Variants in DIP2C observed in about 807,000 individuals in gnomAD.
DIP2C encodes disco-interacting protein 2 homolog C.
A neutral mutation model predicts 192.4 loss-of-function variants in DIP2C; 33 were observed. That is an observed-to-expected ratio of 0.17 (90% confidence interval 0.13 to 0.23). The LOEUF is 0.23. Ranked by LOEUF, DIP2C falls within the 10% of genes least tolerant of loss-of-function variation. The probability of loss-of-function intolerance (pLI) is 1.00; values close to 1 mark genes in which losing one functional copy is unlikely to be tolerated. For missense variants in DIP2C, 1,537 were observed against 2,110.1 expected, an observed-to-expected ratio of 0.73 and a Z score of 5.32; for synonymous variants, 979 against 864.1, an observed-to-expected ratio of 1.13 and a Z score of -2.33.
intron 1 of DIP2C, among the ~76,000 whole-genome samples, chr10:554,630 C>T (rs1848747850): frequency 1.3e-5 from 2 of 152,252 alleles, no homozygotes; most frequent in Non-Finnish European, 2.9e-5. Context: ...CCCCACTGCC[C>T]TGTTCCCAGA....
At chr10:399,738 T>G (rs1368559389) in intron 9 of DIP2C, among the ~76,000 whole-genome samples, 1 of 152,154 alleles carries the variant, frequency 6.6e-6, no homozygotes, top group African/African-American at 2.4e-5. Flanking sequence ...AATGAGAGAA[T>G]GCACATAGAG....
At chr10:612,093 C>T (rs976646230) in intron 1 of DIP2C, among the ~76,000 whole-genome samples, 2 of 152,078 alleles carry the variant, frequency 1.3e-5, no homozygotes, top group Admixed American at 6.6e-5. Context: ...GTCAGGAGTT[C>T]GAGACAGCCT....
At chr10:466,181 CA>C (rs1970184000) in intron 3 of DIP2C, among the ~76,000 whole-genome samples, 1 of 151,574 alleles carries the variant, frequency 6.6e-6, no homozygotes, top group African/African-American at 2.4e-5. Flanking sequence ...GTACTGGTAC[CA>C]AAACAGAGAT....
In DIP2C at chr10:651,370, C is replaced by A. The variant is rs1377390688; in HGVS notation, c.85+38124G>T. 13 of 701,584 alleles carry A rather than the reference C, an allele frequency of 1.9e-5. No individual in the cohort carries two copies. Among genetic ancestry groups the A allele is most frequent in the Non-Finnish European group, 3.1e-5 (12 of 384,630 alleles). The allele number at this position is 701,584 out of a possible 1,614,324, so 43.5% of individuals were successfully genotyped here. Reference sequence around the variant, plus strand: ...GCATCCCCAGCACTGTGCTCAGGTCCCAGGGAGGCCCCAGCAAACTGTGGA... The same window carrying A: ...GCATCCCCAGCACTGTGCTCAGGTCACAGGGAGGCCCCAGCAAACTGTGGA... On this transcript the variant is annotated intron_variant, in intron 1 of 36. Transcript: ENST00000280886. This position sits in a 1 kb window ranked among gnomAD's most constrained non-coding sequence, Gnocchi z 4.1.
intron 3 of DIP2C, among the ~76,000 whole-genome samples, chr10:454,191 C>T (rs1969089250): frequency 6.6e-6 from 1 of 152,180 alleles, no homozygotes; most frequent in African/African-American, 2.4e-5. Context: ...TCTAAGAACC[C>T]AGAAGCACCC....
intron 32 of DIP2C, among the ~76,000 whole-genome samples, chr10:298,054 A>G (rs893172999): frequency 1.3e-5 from 2 of 152,216 alleles, no homozygotes; most frequent in Non-Finnish European, 2.9e-5. Context: ...ATTAGTTAGA[A>G]TTAGTAAGCC....
At chr10:428,264 CAT>C (rs1267730950) in intron 4 of DIP2C, among the ~76,000 whole-genome samples, 1 of 152,058 alleles carries the variant, frequency 6.6e-6, no homozygotes, top group African/African-American at 2.4e-5. Context: ...CTTTCTTTTT[CAT>C]AGAGCTAACC....
chr10:297,665 G>A (rs542019798), intron 32 of DIP2C, among the ~76,000 whole-genome samples: 1 of 152,332 alleles, frequency 6.6e-6, no homozygotes, highest in African/African-American at 2.4e-5. Flanking sequence ...CATACTGGAG[G>A]CTGGGAAGGG....
At chr10:397,402 C>A (rs1218604779) in intron 10 of DIP2C, among the ~76,000 whole-genome samples, 1 of 152,084 alleles carries the variant, frequency 6.6e-6, no homozygotes, top group African/African-American at 2.4e-5. Flanking sequence ...TGGTGGCACA[C>A]GCCTGTAATC....
At chr10:313,793 AATGAGTT>A (rs1956661171) in intron 31 of DIP2C, among the ~76,000 whole-genome samples, 2 of 152,234 alleles carry the variant, frequency 1.3e-5, no homozygotes, top group African/African-American at 4.8e-5. Context: ...TTATTGAACA[AATGAGTT>A]ATATTTAAAT....
rs1317706734 is a variant in DIP2C at position 651,408 on chromosome 10, G to A, written c.85+38086C>T. 11 of 698,506 alleles carry A rather than the reference G, an allele frequency of 1.6e-5. No homozygotes were observed. The highest frequency in any genetic ancestry group is 6.0e-5 in the South Asian group (4 of 66,708). The allele number at this position is 698,506 out of a possible 1,614,324, so 43.3% of individuals were successfully genotyped here. On this transcript the variant is annotated intron_variant, in intron 1 of 36. Coordinates refer to ENST00000280886, the MANE Select transcript of DIP2C (RefSeq NM_014974.3). This position sits in a 1 kb window ranked among gnomAD's most constrained non-coding sequence, Gnocchi z 4.1. ...AGCAAACTGTGGAACAACCAAACTCGTGACTGAATGAACAAGTATGTTAAG... is the reference window on the plus strand; with the variant it reads ...AGCAAACTGTGGAACAACCAAACTCATGACTGAATGAACAAGTATGTTAAG...
intron 10 of DIP2C, among the ~76,000 whole-genome samples, chr10:397,085 C>A (rs555912865): frequency 1.3e-5 from 2 of 152,322 alleles, no homozygotes; most frequent in East Asian, 1.9e-4. Context: ...TGAAGAGATA[C>A]CCACGTGGCA....
chr10:454,699 G>C (rs1969142591), intron 3 of DIP2C, among the ~76,000 whole-genome samples: 1 of 149,914 alleles, frequency 6.7e-6, no homozygotes, highest in African/African-American at 2.5e-5. Context: ...GAGATACTCA[G>C]GGATAAAAAC....
In DIP2C at chr10:387,809, G is replaced by C; in HGVS notation, c.1598C>G (p.Ala533Gly). 6.2e-7 allele frequency: 1 copy of C among 1,614,232 alleles called. No homozygotes were observed. The highest frequency in any genetic ancestry group is 8.5e-7 in the Non-Finnish European group (1 of 1,180,038). The change falls in exon 14 of 37, where the codon GCT becomes GGT. Residue 533 changes from alanine (A) to glycine (G), a missense_variant and splice_region_variant. Around this residue, in one of 4 missense-constraint regions of DIP2C, gnomAD observed 677 missense variants for 989.9 expected, o/e 0.68. Coordinates refer to ENST00000280886, the MANE Select transcript of DIP2C (RefSeq NM_014974.3). ...ATCCAGCACATTCACAATGGTTTCA[G>C]CTGCACAACAGAGGGAGTCAGGAGA... ...ALTQACGYTEAETIVNVLDFK... is the reference protein window; with the variant it reads ...ALTQACGYTEGETIVNVLDFK...
chr10:665,500 T>G (rs745926119), intron 1 of DIP2C: 3 of 152,182 alleles, frequency 2.0e-5, no homozygotes, highest in Non-Finnish European at 2.9e-5. Context: ...TAAGAAACAC[T>G]AAATAAATTC....
chr10:302,957 G>A (rs1488373228), intron 32 of DIP2C, among the ~76,000 whole-genome samples: 1 of 151,960 alleles, frequency 6.6e-6, no homozygotes, highest in Admixed American at 6.6e-5. Flanking sequence ...TCACACGGCT[G>A]TAGATTCGTA....
At chr10:449,920 C>CAACAAAAAAAA (rs1408389732) in intron 3 of DIP2C, among the ~76,000 whole-genome samples, 1 of 135,912 alleles carries the variant, frequency 7.4e-6, no homozygotes, top group East Asian at 2.1e-4. Context: ...TCAACAACAA[C>CAACAAAAAAAA]AAAAAAAAAA....
At chr10:536,748 C>T (rs1319620607) in intron 1 of DIP2C, among the ~76,000 whole-genome samples, 3 of 152,310 alleles carry the variant, frequency 2.0e-5, no homozygotes, top group Admixed American at 6.5e-5. Flanking sequence ...AGCTATGACT[C>T]GGTTTTAACT....
chr10:417,475 C>T (rs913592870), intron 6 of DIP2C, among the ~76,000 whole-genome samples: 9 of 152,230 alleles, frequency 5.9e-5, no homozygotes, highest in African/African-American at 2.2e-4. Flanking sequence ...CACCAAAAGG[C>T]ATTCCAGGAA....
Sources: allele counts gnomAD v4.1 joint callset (sites outside exome capture counted in the v4.1 genomes callset), GRCh38; gene constraint gnomAD v4.1.1; regional missense constraint gnomAD v4.1.1; non-coding constraint Gnocchi (gnomAD v3.1); transcripts MANE v1.5; gene names NCBI Gene and HGNC (gene_info 2026-07-23, HGNC 2026-07-21).